The following SAP30L variants were observed in gnomAD, a reference collection of about 807,000 sequenced individuals.
The protein encoded by SAP30L is histone deacetylase complex subunit SAP30L.
A neutral mutation model predicts 22.3 loss-of-function variants in SAP30L; 10 were observed. That is an observed-to-expected ratio of 0.45 (90% CI 0.28 to 0.76). The LOEUF (loss-of-function observed/expected upper bound fraction) is 0.76. Among genes scored for constraint, SAP30L ranks in the 30% least tolerant of loss-of-function variants. SAP30L has a pLI of 0.14. For missense variants in SAP30L, 206 were observed against 237.9 expected, an observed-to-expected ratio of 0.87 and a Z score of 0.88; for synonymous variants, 91 against 94.1, an observed-to-expected ratio of 0.97 and a Z score of 0.19.
In SAP30L at chr5:154,446,377, G is replaced by C. The variant is rs1309656865; in HGVS notation, c.-228G>C. ...CCCGGCGGGGCCCTGCGAGCCGCGG[G>C]AGCCGACCCCGGGGCCTCGAGCCGG... On this transcript the variant is annotated 5_prime_UTR_variant, in exon 1 of 4. Transcript: ENST00000297109. 4 of 394,784 alleles carry C rather than the reference G, an allele frequency of 1.0e-5. No individual in the cohort carries two copies. The highest frequency in any genetic ancestry group is 2.1e-5 in the African/African-American group (1 of 47,804). The allele number at this position is 394,784 out of a possible 1,614,324, so 24.5% of individuals were successfully genotyped here.
chr5:154,447,089 G>C (rs1022574832), intron 1 of SAP30L, among the ~76,000 whole-genome samples: 37 of 152,268 alleles, frequency 2.4e-4, no homozygotes, highest in Admixed American at 1.9e-3. Context: ...TTAGACTTTA[G>C]AGCAGGGAGA....
At chr5:154,453,332 C>A in intron 2 of SAP30L, 70 bp from the exon 3 acceptor site, 1 of 1,044,332 alleles carries the variant, frequency 9.6e-7, no homozygotes, top group Non-Finnish European at 1.5e-6. Context: ...TAGTGCTAGG[C>A]ACATAGTGGG....
In SAP30L at chr5:154,458,607, C is replaced by G. The variant is rs1233619671; in HGVS notation, c.*2579C>G. 6.6e-6 allele frequency: 1 copy of G among 152,274 alleles called. No individual in the cohort carries two copies. Among genetic ancestry groups the G allele is most frequent in the Non-Finnish European group, 1.5e-5 (1 of 68,094 alleles). 9.4% of individuals were successfully genotyped at this position (152,274 alleles called of 1,614,324 possible). On this transcript the variant is annotated 3_prime_UTR_variant, in exon 4 of 4. Coordinates refer to ENST00000297109, the MANE Select transcript of SAP30L (RefSeq NM_024632.6). ...ATTGCCTTCTTTCCTCTTGGTGCTT[C>G]TGGGCAAAACTGGAATTTGAAATCC...
chr5:154,448,551 G>A (rs775780989), intron 1 of SAP30L, among the ~76,000 whole-genome samples: 1 of 152,196 alleles, frequency 6.6e-6, no homozygotes, highest in Non-Finnish European at 1.5e-5. Flanking sequence ...CCTACCTTCC[G>A]TGTAGGTTGT....
chr5:154,453,520 C>T lies in SAP30L; in HGVS notation c.423+20C>T, dbSNP rs368222071. 1.4e-4 allele frequency: 207 copies of T among 1,512,404 alleles called. No individual in the cohort carries two copies. Among genetic ancestry groups the T allele is most frequent in the Non-Finnish European group, 1.8e-4 (192 of 1,087,444 alleles). 93.7% of individuals were successfully genotyped at this position (1,512,404 alleles called of 1,614,324 possible). A position where few individuals can be genotyped will look rare whatever the true frequency, so the allele number is the denominator to read the frequency against. On this transcript the variant is annotated intron_variant, in intron 3 of 3. Coordinates refer to ENST00000297109, the MANE Select transcript of SAP30L (RefSeq NM_024632.6). ...GCAGAAGTAGGTAGACAAAATTGCC[C>T]TCTAAAGAGAGCCAGCATTGTGCTG...
intron 2 of SAP30L, among the ~76,000 whole-genome samples, chr5:154,452,911 C>G (rs1480780135): frequency 6.6e-6 from 1 of 152,140 alleles, no homozygotes; most frequent in African/African-American, 2.4e-5. Context: ...TATAGCATCT[C>G]CCTCCGTATC....
chr5:154,451,690 G>A (rs573313541), intron 2 of SAP30L, among the ~76,000 whole-genome samples: 1 of 152,266 alleles, frequency 6.6e-6, no homozygotes, highest in South Asian at 2.1e-4. Flanking sequence ...AGTCCAGGCT[G>A]TTCCCAAGGA....
chr5:154,455,823 G>A (rs764124535), intron 3 of SAP30L, 77 bp from the exon 4 acceptor site: 59 of 1,478,042 alleles, frequency 4.0e-5, no homozygotes, highest in African/African-American at 5.7e-5. Flanking sequence ...AACTCCATTC[G>A]CTTCTTTGTA....
In SAP30L at chr5:154,459,531, A is replaced by T. The variant is rs1468493675; in HGVS notation, c.*3503A>T. The stretch of plus-strand genomic sequence containing the variant: ...TTTTGGAAAGAAACAATGCTAGGAC[A>T]TGGACACTTTGGTACACTGTCCTTA... On this transcript the variant is annotated 3_prime_UTR_variant, in exon 4 of 4. Coordinates refer to ENST00000297109, the MANE Select transcript of SAP30L (RefSeq NM_024632.6). 4 of 152,268 alleles carry T rather than the reference A, an allele frequency of 2.6e-5. No individual in the cohort carries two copies. The East Asian group carries it at 7.7e-4, about 29-fold the overall frequency. The allele number at this position is 152,268 out of a possible 1,614,324, so 9.4% of individuals were successfully genotyped here. A position where few individuals can be genotyped will look rare whatever the true frequency, so the allele number is the denominator to read the frequency against.
rs1294230451 is a variant in SAP30L at position 154,458,000 on chromosome 5, C to T, written c.*1972C>T. Reference sequence around the variant, plus strand: ...AAAGTGTATTTTTCTGATACGTAAACCAGAATTGTGGGCGTGTAGGTCACA... The same window carrying T: ...AAAGTGTATTTTTCTGATACGTAAATCAGAATTGTGGGCGTGTAGGTCACA... On this transcript the variant is annotated 3_prime_UTR_variant, in exon 4 of 4. Transcript: ENST00000297109. 4 of 152,210 alleles carry T rather than the reference C, an allele frequency of 2.6e-5. No individual in the cohort carries two copies. Among genetic ancestry groups the T allele is most frequent in the Non-Finnish European group, 5.9e-5 (4 of 68,040 alleles). The allele number at this position is 152,210 out of a possible 1,614,324, so 9.4% of individuals were successfully genotyped here.
At chr5:154,447,353 G>A (rs531743726) in intron 1 of SAP30L, among the ~76,000 whole-genome samples, 1 of 152,348 alleles carries the variant, frequency 6.6e-6, no homozygotes, top group East Asian at 1.9e-4. Context: ...GCCAGGTCTT[G>A]AGAAATGGCT....
chr5:154,458,178 C>T lies in SAP30L; in HGVS notation c.*2150C>T, dbSNP rs529079999. 6.6e-6 allele frequency: 1 copy of T among 152,182 alleles called. No individual in the cohort carries two copies. Among genetic ancestry groups the T allele is most frequent in the African/African-American group, 2.4e-5 (1 of 41,446 alleles). 9.4% of individuals were successfully genotyped at this position (152,182 alleles called of 1,614,324 possible). A position where few individuals can be genotyped will look rare whatever the true frequency, so the allele number is the denominator to read the frequency against. On this transcript the variant is annotated 3_prime_UTR_variant, in exon 4 of 4. Coordinates refer to ENST00000297109, the MANE Select transcript of SAP30L (RefSeq NM_024632.6). ...CCTGGGGAAATGTTTTACCTTCAGCCAGATGCTGTGTGTGTACTTGGGTCC... is the reference window on the plus strand; with the variant it reads ...CCTGGGGAAATGTTTTACCTTCAGCTAGATGCTGTGTGTGTACTTGGGTCC...
In SAP30L at chr5:154,457,763, A is replaced by AT. The variant is rs1393701286; in HGVS notation, c.*1739dup. The AT allele has an allele frequency of 6.6e-6, 1 of 152,182 alleles. No individual in the cohort carries two copies. The highest frequency in any genetic ancestry group is 1.5e-5 in the Non-Finnish European group (1 of 68,034). 9.4% of individuals were successfully genotyped at this position (152,182 alleles called of 1,614,324 possible). On this transcript the variant is annotated 3_prime_UTR_variant, in exon 4 of 4. Transcript: ENST00000297109. ...ATACTCTGGACTGTGAGGGCATCCT[A>AT]TTTTGGTATGCCTCCTGGCTGTGGA...
chr5:154,450,312 T>A (rs1023411380), intron 1 of SAP30L, among the ~76,000 whole-genome samples: 55 of 152,260 alleles, frequency 3.6e-4, no homozygotes, highest in African/African-American at 1.2e-3. Context: ...CACATCTTTT[T>A]CCACTTTTCT....
intron 3 of SAP30L, among the ~76,000 whole-genome samples, 163 bp from the exon 4 acceptor site, chr5:154,455,737 G>A (rs1237946275): frequency 1.3e-5 from 2 of 152,188 alleles, no homozygotes; most frequent in Non-Finnish European, 2.9e-5. Context: ...TGGGGAGGAA[G>A]GGCAAAGGGC....
At position 154,456,260 on chromosome 5, in the gene SAP30L, T is replaced by A. The variant is rs1757262640; in HGVS notation, c.*232T>A. The A allele has an allele frequency of 8.8e-6, 3 of 342,350 alleles. No homozygotes were observed. Among genetic ancestry groups the A allele is most frequent in the Non-Finnish European group, 1.6e-5 (3 of 189,060 alleles). 21.2% of individuals were successfully genotyped at this position (342,350 alleles called of 1,614,324 possible). A position where few individuals can be genotyped will look rare whatever the true frequency, so the allele number is the denominator to read the frequency against. On this transcript the variant is annotated 3_prime_UTR_variant, in exon 4 of 4. Transcript: ENST00000297109. ...AAAAAAATCAGGATCATTAAAAGAA[T>A]TAAAAACTATGTATTTCAGCATTCA...
intron 1 of SAP30L, among the ~76,000 whole-genome samples, chr5:154,448,755 TAGA>T (rs1757078584): frequency 6.6e-6 from 1 of 152,240 alleles, no homozygotes; most frequent in Admixed American, 6.5e-5. Context: ...ACACACTGTC[TAGA>T]AGAAGGGCAG....
chr5:154,449,307 T>C (rs965513203), intron 1 of SAP30L, among the ~76,000 whole-genome samples: 3 of 151,774 alleles, frequency 2.0e-5, no homozygotes, highest in South Asian at 2.1e-4. Context: ...AATGCTGGAG[T>C]AGGAAAAGAC....
intron 1 of SAP30L, among the ~76,000 whole-genome samples, chr5:154,449,320 G>C (rs976925153): frequency 1.3e-5 from 2 of 151,832 alleles, no homozygotes; most frequent in African/African-American, 4.9e-5. Flanking sequence ...GAAAAGACAT[G>C]TACTGGGGGG....
Sources: allele counts gnomAD v4.1 joint callset (sites outside exome capture counted in the v4.1 genomes callset), GRCh38; gene constraint gnomAD v4.1.1; transcripts MANE v1.5; gene names NCBI Gene and HGNC (gene_info 2026-07-23, HGNC 2026-07-21).